LRRC14: variants seen among roughly 807,000 people sequenced by gnomAD.
LRRC14 encodes leucine rich repeat containing 14.
LRRC14 carries 16 observed loss-of-function variants against 25.3 expected under a neutral mutation model. That is an observed-to-expected ratio of 0.63 (90% CI 0.43 to 0.96). LRRC14 has a LOEUF of 0.96. Among genes scored for constraint, LRRC14 ranks in the 40% least tolerant of loss-of-function variants. The pLI, the probability that LRRC14 is intolerant of heterozygous loss-of-function variation, is 0.00. For synonymous variants in LRRC14, 359 were observed against 295.1 expected (o/e 1.22, Z -2.22); for missense variants, 594 against 660.5 (o/e 0.90, Z 1.10).
Position 144,523,245 on chromosome 8 carries a change from T to A in LRRC14, c.*1767T>A. On this transcript the variant is annotated 3_prime_UTR_variant, in exon 4 of 4. Coordinates refer to ENST00000292524, the MANE Select transcript of LRRC14 (RefSeq NM_014665.4). ...GGCTGCACGTGGACAGAGGGCGGAA[T>A]GCAGATGAGGCTGCTGTGGGATACG... 1 of 1,610,638 alleles carries A rather than the reference T, an allele frequency of 6.2e-7. No individual in the cohort carries two copies. Among genetic ancestry groups the A allele is most frequent in the Non-Finnish European group, 8.5e-7 (1 of 1,179,050 alleles).
In LRRC14 at chr8:144,524,216, C is replaced by T. The variant is rs149062375; in HGVS notation, c.*2738C>T. The T allele has an allele frequency of 1.7e-3, 2,769 of 1,612,630 alleles. 24 individuals carry two copies. The highest frequency in any genetic ancestry group is 0.013 in the South Asian group (1,170 of 91,088). The stretch of plus-strand genomic sequence containing the variant: ...CCAGCAGTGCTAGGGAGGACAGCCC[C>T]GCTAGAGCCTGGTCCTCCAGCAGCT... On this transcript the variant is annotated 3_prime_UTR_variant, in exon 4 of 4. Transcript: ENST00000292524.
Position 144,524,139 on chromosome 8 carries a change from AG to A in LRRC14, c.*2665del. 6.2e-7 allele frequency: 1 copy of A among 1,607,080 alleles called. No homozygotes were observed. Among genetic ancestry groups the A allele is most frequent in the Non-Finnish European group, 8.5e-7 (1 of 1,175,706 alleles). Reference sequence around the variant, plus strand: ...GAGGCGCAGGACTTGCAGACTGGCCAGGGGCTGCAGGGCCTCTCGGCTGATG... The same window carrying A: ...GAGGCGCAGGACTTGCAGACTGGCCAGGGCTGCAGGGCCTCTCGGCTGATG... On this transcript the variant is annotated 3_prime_UTR_variant, in exon 4 of 4. Transcript: ENST00000292524.
Position 144,521,499 on chromosome 8 carries a change from C to A in LRRC14, c.*21C>A. The A allele has an allele frequency of 6.3e-7, 1 of 1,580,986 alleles. No individual in the cohort carries two copies. Among genetic ancestry groups the A allele is most frequent in the Non-Finnish European group, 8.6e-7 (1 of 1,167,284 alleles). ...TATGATGAAGTAGCTCTGGGTGAGACACAGGCCGCCCTGCAGTCTCTTTAG... is the reference window on the plus strand; with the variant it reads ...TATGATGAAGTAGCTCTGGGTGAGAAACAGGCCGCCCTGCAGTCTCTTTAG... On this transcript the variant is annotated 3_prime_UTR_variant, in exon 4 of 4. Transcript: ENST00000292524.
rs1482164281 is a variant in LRRC14, at chr8:144,522,516, G to T, written c.*1038G>T. 2.0e-6 allele frequency: 3 copies of T among 1,506,442 alleles called. No homozygotes were observed. The highest frequency in any genetic ancestry group is 2.7e-5 in the East Asian group (1 of 36,710). 93.3% of individuals were successfully genotyped at this position (1,506,442 alleles called of 1,614,324 possible). On this transcript the variant is annotated 3_prime_UTR_variant, in exon 4 of 4. Coordinates refer to ENST00000292524, the MANE Select transcript of LRRC14 (RefSeq NM_014665.4). ...TAGGCGACCGGCGGGGGCACGCGGA[G>T]TCCCGGCCCCGCCCCCTGTTCCGGG...
In LRRC14 at chr8:144,523,260, T is replaced by G. The variant is rs1490183375; in HGVS notation, c.*1782T>G. On this transcript the variant is annotated 3_prime_UTR_variant, in exon 4 of 4. Coordinates refer to ENST00000292524, the MANE Select transcript of LRRC14 (RefSeq NM_014665.4). ...GAGGGCGGAATGCAGATGAGGCTGCTGTGGGATACGTCCAGGAGACTCTGG... is the reference window on the plus strand; with the variant it reads ...GAGGGCGGAATGCAGATGAGGCTGCGGTGGGATACGTCCAGGAGACTCTGG... The G allele has an allele frequency of 6.2e-7, 1 of 1,610,836 alleles. No individual in the cohort carries two copies. Among genetic ancestry groups the G allele is most frequent in the Admixed American group, 1.7e-5 (1 of 59,684 alleles).
chr8:144,521,652 G>A lies in LRRC14; in HGVS notation c.*174G>A, dbSNP rs545262017. On this transcript the variant is annotated 3_prime_UTR_variant, in exon 4 of 4. Transcript: ENST00000292524. ...TCCCCTGCTTTCTGCAGTGCCCCAC[G>A]CGGTTTTCCCTGCACTTGCTCCATA... 2.1e-4 allele frequency: 139 copies of A among 669,692 alleles called. No homozygotes were observed. In the African/African-American group the frequency reaches 2.4e-3, roughly 12 times the overall value. 41.5% of individuals were successfully genotyped at this position (669,692 alleles called of 1,614,324 possible).
chr8:144,522,737 C>A lies in LRRC14; in HGVS notation c.*1259C>A, dbSNP rs376225545. On this transcript the variant is annotated 3_prime_UTR_variant, in exon 4 of 4. Coordinates refer to ENST00000292524, the MANE Select transcript of LRRC14 (RefSeq NM_014665.4). ...CGCCTTTTTTCGCCTGCGGCGCCGGCGACAGATCATGGCGACCAGGAGCAG... is the reference window on the plus strand; with the variant it reads ...CGCCTTTTTTCGCCTGCGGCGCCGGAGACAGATCATGGCGACCAGGAGCAG... 1.8e-4 allele frequency: 294 copies of A among 1,590,322 alleles called. No homozygotes were observed. The highest frequency in any genetic ancestry group is 2.4e-4 in the Non-Finnish European group (286 of 1,170,254).
chr8:144,520,765 T>C lies in LRRC14; in HGVS notation c.857T>C (p.Leu286Pro). ...GCCCAGATGGGCCGCTTCACCTGTC[T>C]GCGTGAGCTCAGCATGGGCTCCTCT... ...FLAQMGRFTCLRELSMGSSLL... is the reference protein window; with the variant it reads ...FLAQMGRFTCPRELSMGSSLL... The change falls in exon 3 of 4, where the codon CTG (leucine) becomes CCG (proline). Residue 286 changes from leucine (L) to proline (P), a missense_variant. Coordinates refer to ENST00000292524, the MANE Select transcript of LRRC14 (RefSeq NM_014665.4). 6.3e-7 allele frequency: 1 copy of C among 1,598,672 alleles called. No homozygotes were observed. The highest frequency in any genetic ancestry group is 2.2e-5 in the East Asian group (1 of 44,886).
chr8:144,519,568 G>A (rs1815832244), intron 1 of LRRC14, 47 bp from the exon 2 acceptor site: 2 of 657,078 alleles, frequency 3.0e-6, no homozygotes, highest in South Asian at 1.8e-5. Flanking sequence ...CATCTAATAG[G>A]TGCTTCTCTG....
At chr8:144,520,155 C>A in intron 2 of LRRC14, 83 bp from the exon 3 acceptor site, 2 of 1,558,504 alleles carry the variant, frequency 1.3e-6, no homozygotes, top group Non-Finnish European at 1.7e-6. Flanking sequence ...CAGGAGCAGG[C>A]GCGTTGCTCC....
Position 144,523,471 on chromosome 8 carries a change from G to A in LRRC14, c.*1993G>A, listed in dbSNP as rs1816215263. 2 of 1,490,116 alleles carry A rather than the reference G, an allele frequency of 1.3e-6. No homozygotes were observed. The highest frequency in any genetic ancestry group is 1.4e-5 in the South Asian group (1 of 73,590). The allele number at this position is 1,490,116 out of a possible 1,614,324, so 92.3% of individuals were successfully genotyped here. ...TGCTGCTAAAACAGCCTGTGCAGTTGGGGTTTTGCAGGCCAGGACAGAGGC... is the reference window on the plus strand; with the variant it reads ...TGCTGCTAAAACAGCCTGTGCAGTTAGGGTTTTGCAGGCCAGGACAGAGGC... On this transcript the variant is annotated 3_prime_UTR_variant, in exon 4 of 4. Transcript: ENST00000292524.
rs749001034 is a variant in LRRC14, at chr8:144,522,977, G to GCCTC, written c.*1500_*1503dup. 6.3e-7 allele frequency: 1 copy of GCCTC among 1,590,772 alleles called. No individual in the cohort carries two copies. Among genetic ancestry groups the GCCTC allele is most frequent in the East Asian group, 2.3e-5 (1 of 44,158 alleles). On this transcript the variant is annotated 3_prime_UTR_variant, in exon 4 of 4. Transcript: ENST00000292524. The stretch of plus-strand genomic sequence containing the variant: ...GCGGGCAGCGCCGCCGGCGTTGGAG[G>GCCTC]CCTCGCACTCGTACTTACCGGCGTG...
chr8:144,522,355 CG>C lies in LRRC14; in HGVS notation c.*879del. 1.5e-6 allele frequency: 2 copies of C among 1,317,402 alleles called. No individual in the cohort carries two copies. The highest frequency in any genetic ancestry group is 1.9e-6 in the Non-Finnish European group (2 of 1,032,990). 81.6% of individuals were successfully genotyped at this position (1,317,402 alleles called of 1,614,324 possible). A position where few individuals can be genotyped will look rare whatever the true frequency, so the allele number is the denominator to read the frequency against. On this transcript the variant is annotated 3_prime_UTR_variant, in exon 4 of 4. Transcript: ENST00000292524. ...CCAGGATTCCCGAGTGCAACGTTCC[CG>C]GCTCGCGCCCCACACACGGCTCAGC... is the stretch of plus-strand genomic sequence containing the variant.
At position 144,522,265 on chromosome 8, in the gene LRRC14, GAT is replaced by G; in HGVS notation, c.*788_*789del. The stretch of plus-strand genomic sequence containing the variant: ...CCCATGCAGAGCTGGAGGTTGGGGT[GAT>G]GTCTTTTCGGAAGAGCTTCAAGGGA... On this transcript the variant is annotated 3_prime_UTR_variant, in exon 4 of 4. Coordinates refer to ENST00000292524, the MANE Select transcript of LRRC14 (RefSeq NM_014665.4). 1 of 654,440 alleles carries G rather than the reference GAT, an allele frequency of 1.5e-6. No individual in the cohort carries two copies. Among genetic ancestry groups the G allele is most frequent in the Non-Finnish European group, 2.3e-6 (1 of 436,910 alleles). 40.5% of individuals were successfully genotyped at this position (654,440 alleles called of 1,614,324 possible).
Position 144,523,065 on chromosome 8 carries a change from C to T in LRRC14, c.*1587C>T, listed in dbSNP as rs200720252. 15 of 1,606,702 alleles carry T rather than the reference C, an allele frequency of 9.3e-6. No individual in the cohort carries two copies. The highest frequency in any genetic ancestry group is 1.6e-4 in the Middle Eastern group (1 of 6,064). On this transcript the variant is annotated 3_prime_UTR_variant, in exon 4 of 4. Coordinates refer to ENST00000292524, the MANE Select transcript of LRRC14 (RefSeq NM_014665.4). ...CCCGTGTCGGATGCCGAGTGTCCGC[C>T]CAGGCCCAGCAACCCGCCTTCTAGC...
Position 144,522,428 on chromosome 8 carries a change from C to T in LRRC14, c.*950C>T, listed in dbSNP as rs1456118323. ...TTTACTGACGGAGCATGCGCGAGGCCGCACCGGCCAATCTCCGGCGCCCAC... is the reference window on the plus strand; with the variant it reads ...TTTACTGACGGAGCATGCGCGAGGCTGCACCGGCCAATCTCCGGCGCCCAC... On this transcript the variant is annotated 3_prime_UTR_variant, in exon 4 of 4. Transcript: ENST00000292524. The T allele has an allele frequency of 4.3e-6, 6 of 1,382,316 alleles. No individual in the cohort carries two copies. The Middle Eastern group carries it at 1.0e-3, about 241-fold the overall frequency. The allele number at this position is 1,382,316 out of a possible 1,614,324, so 85.6% of individuals were successfully genotyped here. A position where few individuals can be genotyped will look rare whatever the true frequency, so the allele number is the denominator to read the frequency against.
In LRRC14 at chr8:144,524,926, G is replaced by A. The variant is rs1816305366; in HGVS notation, c.*3448G>A. On this transcript the variant is annotated 3_prime_UTR_variant, in exon 4 of 4. Coordinates refer to ENST00000292524, the MANE Select transcript of LRRC14 (RefSeq NM_014665.4). ...GCTGGGCAGCCGGCGGCGCGGAGCG[G>A]CAGTAGTAGCAGCAGCAGCGGCAGC... 4.6e-6 allele frequency: 7 copies of A among 1,511,984 alleles called. No individual in the cohort carries two copies. The highest frequency in any genetic ancestry group is 5.3e-6 in the Non-Finnish European group (6 of 1,131,468). 93.7% of individuals were successfully genotyped at this position (1,511,984 alleles called of 1,614,324 possible).
Position 144,523,240 on chromosome 8 carries a change from C to T in LRRC14, c.*1762C>T. ...CCAGCGGCTGCACGTGGACAGAGGG[C>T]GGAATGCAGATGAGGCTGCTGTGGG... On this transcript the variant is annotated 3_prime_UTR_variant, in exon 4 of 4. Coordinates refer to ENST00000292524, the MANE Select transcript of LRRC14 (RefSeq NM_014665.4). The T allele has an allele frequency of 2.5e-6, 4 of 1,610,018 alleles. No individual in the cohort carries two copies. The highest frequency in any genetic ancestry group is 2.5e-6 in the Non-Finnish European group (3 of 1,178,766).
Position 144,524,514 on chromosome 8 carries a change from GC to G in LRRC14, c.*3038del, listed in dbSNP as rs769886787. 56 of 1,595,192 alleles carry G rather than the reference GC, an allele frequency of 3.5e-5. No homozygotes were observed. Among genetic ancestry groups the G allele is most frequent in the Non-Finnish European group, 5.9e-6 (7 of 1,178,882 alleles). ...CGCCAGGTAGAGCACGCGCAGCTGG[GC>G]CAGGCCTACGAAGGCGCCGCTGCGC... On this transcript the variant is annotated 3_prime_UTR_variant, in exon 4 of 4. Transcript: ENST00000292524.
Sources: allele counts gnomAD v4.1 joint callset, GRCh38; gene constraint gnomAD v4.1.1; transcripts MANE v1.5; gene names NCBI Gene and HGNC (gene_info 2026-07-23, HGNC 2026-07-21).